Variants in PNLIPRP3 observed in about 807,000 individuals in gnomAD.
PNLIPRP3 encodes pancreatic lipase related protein 3, also known as pancreatic lipase-related protein 3.
Under a neutral mutation model 52.8 loss-of-function variants are expected in PNLIPRP3, and 58 were observed. The observed-to-expected ratio is 1.10, with a 90% CI of 0.89 to 1.37. The LOEUF (loss-of-function observed/expected upper bound fraction) is 1.37, where lower values mean the gene tolerates loss of function less well. PNLIPRP3 is among the 40% of genes most tolerant of loss of function. The pLI, the probability that PNLIPRP3 is intolerant of heterozygous loss-of-function variation, is 0.00. For synonymous variants in PNLIPRP3, 192 were observed against 185.0 expected, an observed-to-expected ratio of 1.04 and a Z score of -0.31; for missense variants, 593 against 561.6, an observed-to-expected ratio of 1.06 and a Z score of -0.57.
At chr10:116,458,904 C>T (rs1056199419) in intron 5 of PNLIPRP3, among the ~76,000 whole-genome samples, 4 of 152,146 alleles carry the variant, frequency 2.6e-5, no homozygotes, top group East Asian at 3.9e-4. Context: ...ATTGCATTTC[C>T]TTAGGGTTCA....
In PNLIPRP3 at chr10:116,476,789, T is replaced by G; in HGVS notation, c.1310T>G (p.Val437Gly). The change falls in exon 11 of 12, where the codon GTG becomes GGG. Residue 437 changes from valine (V) to glycine (G), a missense_variant. Coordinates refer to ENST00000369230, the MANE Select transcript of PNLIPRP3 (RefSeq NM_001011709.3). ...DSQNKLGAEM[V>G]INTSGKYGYK... is the part of the protein sequence containing the mutation. ...CAGAATAAGTTGGGAGCAGAAATGG[T>G]GATAAATACATCTGGGAAATATGGA... The G allele has an allele frequency of 6.2e-7, 1 of 1,606,930 alleles. No individual in the cohort carries two copies.
At chr10:116,437,856 G>GC (rs1378250441) in intron 2 of PNLIPRP3, among the ~76,000 whole-genome samples, 1 of 152,096 alleles carries the variant, frequency 6.6e-6, no homozygotes, top group Non-Finnish European at 1.5e-5. Context: ...GTGGCTAGTG[G>GC]CTACCATACT....
At chr10:116,438,181 G>T (rs1263508742) in intron 2 of PNLIPRP3, among the ~76,000 whole-genome samples, 2 of 152,150 alleles carry the variant, frequency 1.3e-5, no homozygotes, top group Non-Finnish European at 2.9e-5. Flanking sequence ...AGGCAGCCCA[G>T]AGCTGGAGAA....
chr10:116,438,129 G>C lies in PNLIPRP3; in HGVS notation c.204+1264G>C, dbSNP rs879702367. Among the ~76,000 whole-genome samples, 9 of 152,294 alleles carry C rather than the reference G, an allele frequency of 5.9e-5. No homozygotes were observed. In the East Asian group the frequency reaches 1.4e-3, roughly 23 times the overall value. On this transcript the variant is annotated intron_variant, in intron 2 of 11. Coordinates refer to ENST00000369230, the MANE Select transcript of PNLIPRP3 (RefSeq NM_001011709.3). Reference sequence around the variant, plus strand: ...AAGGAGTTAGATTCTGGATAGGTGGGGCTTGAGCAGGCTGTTGGAGATGTT... The same window carrying C: ...AAGGAGTTAGATTCTGGATAGGTGGCGCTTGAGCAGGCTGTTGGAGATGTT...
intron 5 of PNLIPRP3, among the ~76,000 whole-genome samples, chr10:116,457,619 A>G (rs1732778607): frequency 6.6e-6 from 1 of 152,182 alleles, no homozygotes; most frequent in East Asian, 1.9e-4. Flanking sequence ...TTTTCACTGA[A>G]GTCATTATGT....
chr10:116,476,980 C>A, intron 11 of PNLIPRP3, 110 bp from the exon 12 acceptor site: 1 of 1,176,168 alleles, frequency 8.5e-7, no homozygotes, highest in South Asian at 1.5e-5. Context: ...GCTATATGTG[C>A]AGAAGTGTTA....
intron 7 of PNLIPRP3, among the ~76,000 whole-genome samples, chr10:116,463,631 G>T (rs1418130759): frequency 5.3e-5 from 8 of 152,106 alleles, no homozygotes; most frequent in African/African-American, 1.9e-4. Context: ...TTTTAACATG[G>T]CCTCCATGTT....
intron 4 of PNLIPRP3, among the ~76,000 whole-genome samples, chr10:116,445,262 A>G (rs1231400775): frequency 6.6e-6 from 1 of 152,232 alleles, no homozygotes; most frequent in Non-Finnish European, 1.5e-5. Flanking sequence ...ACACAGAAAC[A>G]AATGAACAAG....
intron 5 of PNLIPRP3, among the ~76,000 whole-genome samples, chr10:116,458,625 T>A (rs1044819000): frequency 3.3e-5 from 5 of 152,204 alleles, no homozygotes; most frequent in African/African-American, 7.2e-5. Context: ...AGATAAATAC[T>A]TTTTCCTCTT....
At chr10:116,434,889 G>A (rs1316034734) in intron 1 of PNLIPRP3, among the ~76,000 whole-genome samples, 1 of 152,122 alleles carries the variant, frequency 6.6e-6, no homozygotes, top group African/African-American at 2.4e-5. Flanking sequence ...ATTGAAGAAG[G>A]CACATGTTCA....
Position 116,436,872 on chromosome 10 carries a change from T to C in PNLIPRP3, c.204+7T>C. ...CAATCCCAATGCCTATCAGGTAAGC[T>C]AACTTGCAGCCTTCACACATGGATT... On this transcript the variant is annotated splice_region_variant and intron_variant, in intron 2 of 11. Coordinates refer to ENST00000369230, the MANE Select transcript of PNLIPRP3 (RefSeq NM_001011709.3). 6.3e-7 allele frequency: 1 copy of C among 1,575,814 alleles called. No homozygotes were observed. Among genetic ancestry groups the C allele is most frequent in the Non-Finnish European group, 8.6e-7 (1 of 1,157,424 alleles).
intron 4 of PNLIPRP3, 84 bp from the exon 5 acceptor site, chr10:116,455,638 C>CTT (rs34077637): frequency 0.066 from 41,516 of 630,882 alleles, 20 homozygotes; most frequent in Non-Finnish European, 0.078. Flanking sequence ...CATGTTGATC[C>CTT]TTTTTTTTTT....
At position 116,435,289 on chromosome 10, in the gene PNLIPRP3, A is replaced by G. The variant is rs185427389; in HGVS notation, c.50-1422A>G. On this transcript the variant is annotated intron_variant, in intron 1 of 11. Coordinates refer to ENST00000369230, the MANE Select transcript of PNLIPRP3 (RefSeq NM_001011709.3). ...ATGAAAACAACATTATGAAGCTGAC[A>G]GACCTTGGAAGCTGGAAGGGAGGAA... Among the ~76,000 whole-genome samples the G allele has an allele frequency of 9.2e-4, 140 of 152,278 alleles. 1 individual carries two copies. Among genetic ancestry groups the G allele is most frequent in the Admixed American group, 3.0e-3 (46 of 15,292 alleles).
chr10:116,436,535 G>A (rs1421410445), intron 1 of PNLIPRP3, among the ~76,000 whole-genome samples, 176 bp from the exon 2 acceptor site: 1 of 151,870 alleles, frequency 6.6e-6, no homozygotes, highest in Non-Finnish European at 1.5e-5. Flanking sequence ...CACAGTAAAG[G>A]AACTAGTCAA....
At chr10:116,471,114 G>T (rs1846364116) in intron 9 of PNLIPRP3, among the ~76,000 whole-genome samples, 1 of 152,086 alleles carries the variant, frequency 6.6e-6, no homozygotes, top group Non-Finnish European at 1.5e-5. Flanking sequence ...ATGAAGAATT[G>T]CATTTTTTCA....
At chr10:116,464,331 C>T (rs1846244403) in intron 7 of PNLIPRP3, among the ~76,000 whole-genome samples, 1 of 152,200 alleles carries the variant, frequency 6.6e-6, no homozygotes, top group Non-Finnish European at 1.5e-5. Context: ...GTCAGAGGTC[C>T]TAGTGATACA....
chr10:116,436,359 A>G (rs1469364201), intron 1 of PNLIPRP3, among the ~76,000 whole-genome samples: 1 of 152,222 alleles, frequency 6.6e-6, no homozygotes, highest in African/African-American at 2.4e-5. Context: ...TGGAATAAAG[A>G]CTTAAATGTA....
At position 116,444,426 on chromosome 10, in the gene PNLIPRP3, G is replaced by A. The variant is rs1331203695; in HGVS notation, c.369G>A (p.Trp123Ter). 2 of 1,612,664 alleles carry A rather than the reference G, an allele frequency of 1.2e-6. No individual in the cohort carries two copies. The highest frequency in any genetic ancestry group is 4.5e-5 in the East Asian group (2 of 44,864). ...LEDINCINLD[W>*]INGSREYIHA... is the part of the protein sequence containing the mutation. Reference sequence around the variant, plus strand: ...ATATAAATTGCATTAATTTAGATTGGATCAACGGTTCACGGGAATACATCC... The same window carrying A: ...ATATAAATTGCATTAATTTAGATTGAATCAACGGTTCACGGGAATACATCC... Residue 123 changes from tryptophan to a stop codon, truncating the protein, a stop_gained, in exon 4 of 12, where the codon TGG becomes TGA. Coordinates refer to ENST00000369230, the MANE Select transcript of PNLIPRP3 (RefSeq NM_001011709.3). LOFTEE classifies it high-confidence loss of function.
intron 10 of PNLIPRP3, among the ~76,000 whole-genome samples, chr10:116,472,606 T>C (rs1846392237): frequency 6.6e-6 from 1 of 152,228 alleles, no homozygotes; most frequent in Non-Finnish European, 1.5e-5. Context: ...TGTGGTTATT[T>C]TGTCAGTTGA....
Sources: gnomAD v4.1 joint callset for allele counts (sites outside exome capture counted in the v4.1 genomes callset) on GRCh38, gnomAD v4.1.1 for gene constraint, MANE v1.5 for transcripts, NCBI Gene and HGNC (gene_info 2026-07-23, HGNC 2026-07-21) for gene names.